The following PTPN2 variants were observed in gnomAD, a reference collection of about 807,000 sequenced individuals.
PTPN2 encodes protein tyrosine phosphatase non-receptor type 2.
A neutral mutation model predicts 57.3 loss-of-function variants in PTPN2; 19 were observed. The observed-to-expected ratio is 0.33, with a 90% CI of 0.23 to 0.49. The LOEUF (loss-of-function observed/expected upper bound fraction) is 0.49. Ranked by LOEUF, PTPN2 falls within the 20% of genes least tolerant of loss-of-function variation. PTPN2 has a pLI of 0.99. For missense variants in PTPN2, 358 were observed against 501.1 expected (o/e 0.71, Z 2.73); for synonymous variants, 153 against 164.9 (o/e 0.93, Z 0.55).
At chr18:12,811,010 G>C (rs971077488) in intron 7 of PTPN2, among the ~76,000 whole-genome samples, 1 of 152,170 alleles carries the variant, frequency 6.6e-6, no homozygotes, top group South Asian at 2.1e-4. Context: ...AAGACATGGA[G>C]TACTTGCTAC....
chr18:12,884,009 C>A, intron 1 of PTPN2, 64 bp downstream of exon 1: 1 of 1,402,810 alleles, frequency 7.1e-7, no homozygotes, highest in African/African-American at 1.5e-5. Flanking sequence ...AGGGACCCTG[C>A]GGACAGGGCA....
intron 2 of PTPN2, among the ~76,000 whole-genome samples, chr18:12,852,635 C>T (rs1344207102): frequency 6.6e-6 from 1 of 152,190 alleles, no homozygotes; most frequent in African/African-American, 2.4e-5. Flanking sequence ...CCCTCCTCGG[C>T]CTCCCAAAGC....
At chr18:12,857,664 T>C (rs2043640986) in intron 2 of PTPN2, among the ~76,000 whole-genome samples, 1 of 152,156 alleles carries the variant, frequency 6.6e-6, no homozygotes, top group African/African-American at 2.4e-5. Context: ...GAAGGGCACC[T>C]AAGTATCAGA....
At chr18:12,832,726 T>C (rs540522197) in intron 3 of PTPN2, among the ~76,000 whole-genome samples, 1 of 152,014 alleles carries the variant, frequency 6.6e-6, no homozygotes, top group Non-Finnish European at 1.5e-5. Flanking sequence ...GCCAGTGAGG[T>C]TACTCCTTAG....
At chr18:12,825,679 C>T in intron 5 of PTPN2, 131 bp downstream of exon 5, 2 of 773,364 alleles carry the variant, frequency 2.6e-6, no homozygotes, top group Non-Finnish European at 3.8e-6. Context: ...AATCTAAAAA[C>T]ACGTGATTAT....
At chr18:12,843,291 T>G (rs1228040808) in intron 2 of PTPN2, among the ~76,000 whole-genome samples, 1 of 152,148 alleles carries the variant, frequency 6.6e-6, no homozygotes, top group East Asian at 1.9e-4. Context: ...GACCAGTCCT[T>G]CTTGATTATT....
At chr18:12,798,159 C>T (rs2041263843) in intron 8 of PTPN2, among the ~76,000 whole-genome samples, 1 of 152,264 alleles carries the variant, frequency 6.6e-6, no homozygotes, top group South Asian at 2.1e-4. Context: ...ACAGAGTAAC[C>T]TCACACACAC....
At chr18:12,854,592 G>A (rs1398689835) in intron 2 of PTPN2, among the ~76,000 whole-genome samples, 1 of 152,110 alleles carries the variant, frequency 6.6e-6, no homozygotes, top group Non-Finnish European at 1.5e-5. Flanking sequence ...CTGAGTCTGA[G>A]GTGGCTACAG....
At chr18:12,786,216 T>C (rs1729274603) in intron 9 of PTPN2, 2 of 287,024 alleles carry the variant, frequency 7.0e-6, no homozygotes, top group Non-Finnish European at 1.3e-5. Flanking sequence ...CAAGACTTTA[T>C]ACTATGTGCT....
chr18:12,812,421 G>A (rs954170613), intron 7 of PTPN2, among the ~76,000 whole-genome samples: 1 of 152,142 alleles, frequency 6.6e-6, no homozygotes, highest in South Asian at 2.1e-4. Context: ...TCAACACTGT[G>A]AAACCCCATC....
chr18:12,877,799 C>G (rs1459684859), intron 1 of PTPN2, among the ~76,000 whole-genome samples: 1 of 151,850 alleles, frequency 6.6e-6, no homozygotes, highest in Non-Finnish European at 1.5e-5. Context: ...ATCACAAAGT[C>G]AGGAGATCAA....
At chr18:12,853,308 T>A (rs546854670) in intron 2 of PTPN2, among the ~76,000 whole-genome samples, 1 of 152,136 alleles carries the variant, frequency 6.6e-6, no homozygotes, top group East Asian at 1.9e-4. Flanking sequence ...CATCACCACG[T>A]CCCAGCTAAT....
rs1425884409 is a variant in PTPN2 at position 12,793,935 on chromosome 18, C to T, written c.*343G>A. On this transcript the variant is annotated 3_prime_UTR_variant, in exon 9 of 9. Transcript: ENST00000309660. ...GCTTATATCAAGTGCAGGTTAAAAT[C>T]CAGATAGCCTCCAAAAACAAATCCT... 4 of 1,132,950 alleles carry T rather than the reference C, an allele frequency of 3.5e-6. No individual in the cohort carries two copies. Among genetic ancestry groups the T allele is most frequent in the Non-Finnish European group, 4.3e-6 (4 of 922,160 alleles). The allele number at this position is 1,132,950 out of a possible 1,614,324, so 70.2% of individuals were successfully genotyped here.
intron 2 of PTPN2, among the ~76,000 whole-genome samples, chr18:12,847,531 G>A (rs192016943): frequency 6.6e-6 from 1 of 151,844 alleles, no homozygotes; most frequent in African/African-American, 2.4e-5. Flanking sequence ...CTTCTTCCTT[G>A]GAACCACTCC....
intron 1 of PTPN2, 197 bp downstream of exon 1, chr18:12,883,870 CTTTTTT>C (rs397959555): frequency 4.1e-5 from 16 of 389,580 alleles, no homozygotes; most frequent in African/African-American, 4.9e-5. Context: ...CTCAAGTATG[CTTTTTT>C]TTTTTTTTTT....
chr18:12,794,302 CAG>C lies in PTPN2; in HGVS notation c.1222_1223del (p.Leu408ValfsTer11). ...TTTATAGGGCATTTTGCTGAAAAAA[CAG>C]TGTCCAGCCAACAAAAGCGCCAACC... ...ILVGAFVGWT[L>X]FFQQNAL is the part of the protein sequence containing the mutation. On this transcript the variant is annotated frameshift_variant, in exon 9 of 9. Coordinates refer to ENST00000309660, the MANE Select transcript of PTPN2 (RefSeq NM_002828.4). LOFTEE classifies it high-confidence loss of function. 6.2e-7 allele frequency: 1 copy of C among 1,614,176 alleles called. No homozygotes were observed. The highest frequency in any genetic ancestry group is 1.3e-5 in the African/African-American group (1 of 75,068).
At chr18:12,815,651 T>G (rs1475494509) in intron 6 of PTPN2, among the ~76,000 whole-genome samples, 3 of 152,190 alleles carry the variant, frequency 2.0e-5, no homozygotes, top group Non-Finnish European at 2.9e-5. Context: ...GTTTTAAAAC[T>G]TTGATGTAAC....
At chr18:12,807,586 A>AAAAAAAAAATATATATATATATAT in intron 7 of PTPN2, among the ~76,000 whole-genome samples, 2 of 35,198 alleles carry the variant, frequency 5.7e-5, no homozygotes, top group Non-Finnish European at 1.2e-4. Context: ...AAAAAAAAAA[A>AAAAAAAAAATATATATATATATAT]ATATATATAT....
At chr18:12,847,691 C>T (rs893018384) in intron 2 of PTPN2, among the ~76,000 whole-genome samples, 3 of 148,054 alleles carry the variant, frequency 2.0e-5, no homozygotes, top group East Asian at 2.0e-4. Flanking sequence ...GGCGCAATCT[C>T]GGCTCACTGT....
Sources: allele counts gnomAD v4.1 joint callset (sites outside exome capture counted in the v4.1 genomes callset), GRCh38; gene constraint gnomAD v4.1.1; transcripts MANE v1.5; gene names NCBI Gene and HGNC (gene_info 2026-07-23, HGNC 2026-07-21).